GNB1L: variants seen among roughly 807,000 people sequenced by gnomAD.
GNB1L encodes the protein G protein subunit beta 1 like.
A neutral mutation model predicts 29.1 loss-of-function variants in GNB1L; 20 were observed. The ratio of observed to expected loss-of-function variants is 0.69; its 90% CI spans 0.48 to 1.00. The LOEUF (loss-of-function observed/expected upper bound fraction) is 1.00, where lower values mean the gene tolerates loss of function less well. Ranked by LOEUF, GNB1L falls within the 50% of genes least tolerant of loss-of-function variation. The pLI, the probability that GNB1L is intolerant of heterozygous loss-of-function variation, is 0.00. For missense variants in GNB1L, 421 were observed against 464.9 expected, an observed-to-expected ratio of 0.91 and a Z score of 0.87; for synonymous variants, 193 against 206.5, an observed-to-expected ratio of 0.93 and a Z score of 0.56.
rs1938201865 is a variant in GNB1L at position 19,854,862 on chromosome 22, G to GC, written c.-161dup. On this transcript the variant is annotated 5_prime_UTR_variant, in exon 1 of 8. Coordinates refer to ENST00000329517, the MANE Select transcript of GNB1L (RefSeq NM_053004.3). Reference sequence around the variant, plus strand: ...GAACGCCTGCTCCTAGGAGCGCCGCGCAGCGTCCAGAGACCGATTACATCG... The same window carrying GC: ...GAACGCCTGCTCCTAGGAGCGCCGCGCCAGCGTCCAGAGACCGATTACATCG... The GC allele has an allele frequency of 6.6e-6, 1 of 152,250 alleles. No individual in the cohort carries two copies. The highest frequency in any genetic ancestry group is 1.5e-5 in the Non-Finnish European group (1 of 68,068). The allele number at this position is 152,250 out of a possible 1,614,324, so 9.4% of individuals were successfully genotyped here.
At chr22:19,839,396 A>G (rs1421181927) in intron 2 of GNB1L, among the ~76,000 whole-genome samples, 1 of 152,126 alleles carries the variant, frequency 6.6e-6, no homozygotes, top group Non-Finnish European at 1.5e-5. Context: ...TCTGAACCCT[A>G]TATACACCAT....
chr22:19,794,392 G>A (rs979351714), intron 7 of GNB1L, among the ~76,000 whole-genome samples: 6 of 152,222 alleles, frequency 3.9e-5, no homozygotes, highest in Non-Finnish European at 8.8e-5. Flanking sequence ...GAGGCGGGAT[G>A]TAAACAACAC....
chr22:19,846,324 A>C lies in GNB1L; in HGVS notation c.-21+8119T>G, dbSNP rs1379574672. 4.4e-6 allele frequency: 3 copies of C among 679,926 alleles called. No homozygotes were observed. The East Asian group carries it at 4.0e-4, about 91-fold the overall frequency. The allele number at this position is 679,926 out of a possible 1,614,324, so 42.1% of individuals were successfully genotyped here. ...GCAGAAAGTTACAACCTGGGAATACAGGATAATGCCTTTGTACCCCCCAGG... is the reference window on the plus strand; with the variant it reads ...GCAGAAAGTTACAACCTGGGAATACCGGATAATGCCTTTGTACCCCCCAGG... On this transcript the variant is annotated intron_variant, in intron 2 of 7. Transcript: ENST00000329517.
chr22:19,849,016 A>G, intron 2 of GNB1L: 1 of 985,456 alleles, frequency 1.0e-6, no homozygotes, highest in Non-Finnish European at 1.2e-6. Context: ...AGTCTGACCC[A>G]ACCCACAAAA....
chr22:19,802,720 C>A lies in GNB1L; in HGVS notation c.517-504G>T, dbSNP rs1937389020. Among the ~76,000 whole-genome samples the A allele has an allele frequency of 2.0e-5, 3 of 152,246 alleles. No homozygotes were observed. In the South Asian group the frequency reaches 6.2e-4, roughly 31 times the overall value. On this transcript the variant is annotated intron_variant, in intron 6 of 7. Coordinates refer to ENST00000329517, the MANE Select transcript of GNB1L (RefSeq NM_053004.3). ...GTCTAGAGCCGCCAGCCAGAAGAAA[C>A]CGTGAGCTCCATCTCCATGAAAAAT...
chr22:19,836,747 AATGCAAAGCTG>A (rs1456073533), intron 2 of GNB1L, among the ~76,000 whole-genome samples: 2 of 152,216 alleles, frequency 1.3e-5, no homozygotes, highest in Non-Finnish European at 2.9e-5. Context: ...TTATCTCAGG[AATGCAAAGCTG>A]ATTCAATATT....
intron 7 of GNB1L, among the ~76,000 whole-genome samples, chr22:19,796,781 C>T (rs1054099542): frequency 3.9e-5 from 6 of 152,162 alleles, no homozygotes; most frequent in African/African-American, 1.2e-4. Context: ...AGGCTGAGTG[C>T]CGATGGGCTG....
intron 2 of GNB1L, chr22:19,848,736 C>A: frequency 7.1e-6 from 7 of 985,456 alleles, no homozygotes; most frequent in Non-Finnish European, 8.4e-6. Flanking sequence ...ACTCACACAC[C>A]CCCAGGAGCT....
At chr22:19,829,403 TAATAA>T (rs1937649354) in intron 2 of GNB1L, among the ~76,000 whole-genome samples, 2 of 152,084 alleles carry the variant, frequency 1.3e-5, no homozygotes, top group African/African-American at 4.8e-5. Flanking sequence ...AATTAGAAAT[TAATAA>T]AATAAAAAAC....
intron 6 of GNB1L, among the ~76,000 whole-genome samples, chr22:19,806,089 G>T (rs1937430895): frequency 6.6e-6 from 1 of 152,196 alleles, no homozygotes; most frequent in Admixed American, 6.5e-5. Flanking sequence ...CCCGACCTGT[G>T]CCCCGGCTGA....
At chr22:19,851,713 G>A (rs138140294) in intron 2 of GNB1L, 152 of 1,603,344 alleles carry the variant, frequency 9.5e-5, no homozygotes, top group Admixed American at 2.2e-4. Flanking sequence ...CAGCAAAACT[G>A]TTCGGGTCTT....
intron 2 of GNB1L, chr22:19,848,643 G>C (rs1039798115): frequency 5.1e-6 from 5 of 985,466 alleles, no homozygotes; most frequent in Non-Finnish European, 6.0e-6. Flanking sequence ...TTAAAAACCA[G>C]GTCACCTGGA....
chr22:19,813,866 C>T (rs968220046), intron 4 of GNB1L, among the ~76,000 whole-genome samples: 5 of 151,964 alleles, frequency 3.3e-5, no homozygotes, highest in African/African-American at 7.3e-5. Flanking sequence ...CATGGTGGTG[C>T]GTGCCTGTAG....
In GNB1L at chr22:19,805,508, C is replaced by T. The variant is rs922527700; in HGVS notation, c.516+1151G>A. Among the ~76,000 whole-genome samples the T allele has an allele frequency of 1.1e-4, 16 of 151,432 alleles. No individual in the cohort carries two copies. In the East Asian group the frequency reaches 3.1e-3, roughly 30 times the overall value. On this transcript the variant is annotated intron_variant, in intron 6 of 7. Coordinates refer to ENST00000329517, the MANE Select transcript of GNB1L (RefSeq NM_053004.3). Reference sequence around the variant, plus strand: ...AGAAAAGGAGGGTGCCTGGGCCGGGCGCGGTGGCTCACGCCTGTAATCCCA... The same window carrying T: ...AGAAAAGGAGGGTGCCTGGGCCGGGTGCGGTGGCTCACGCCTGTAATCCCA...
intron 2 of GNB1L, among the ~76,000 whole-genome samples, chr22:19,843,703 G>A (rs1016688275): frequency 2.6e-5 from 4 of 152,188 alleles, no homozygotes; most frequent in African/African-American, 9.7e-5. Flanking sequence ...CCCGAGCCCC[G>A]GCTGCCCAGA....
chr22:19,851,824 T>G, intron 2 of GNB1L: 1 of 1,614,002 alleles, frequency 6.2e-7, no homozygotes, highest in Non-Finnish European at 8.5e-7. Flanking sequence ...CTCGGCCTGT[T>G]AGGCGCCTGA....
chr22:19,794,810 G>A (rs972152367), intron 7 of GNB1L, among the ~76,000 whole-genome samples: 17 of 152,184 alleles, frequency 1.1e-4, no homozygotes, highest in Non-Finnish European at 2.2e-4. Context: ...GTGAAACCCT[G>A]TCTCTACTAA....
intron 7 of GNB1L, among the ~76,000 whole-genome samples, chr22:19,793,962 T>C (rs1239634257): frequency 6.6e-6 from 1 of 152,160 alleles, no homozygotes; most frequent in Non-Finnish European, 1.5e-5. Context: ...CATGTTATGT[T>C]TTTTATTTCT....
intron 2 of GNB1L, chr22:19,851,450 G>A (rs940655152): frequency 1.2e-6 from 2 of 1,613,944 alleles, no homozygotes; most frequent in Non-Finnish European, 1.7e-6. Flanking sequence ...GGGCAGGACT[G>A]GGGGCTCCTT....
Sources: gnomAD v4.1 joint callset for allele counts (sites outside exome capture counted in the v4.1 genomes callset) on GRCh38, gnomAD v4.1.1 for gene constraint, MANE v1.5 for transcripts, NCBI Gene and HGNC (gene_info 2026-07-23, HGNC 2026-07-21) for gene names.